IGSF21: variants seen among roughly 807,000 people sequenced by gnomAD.
IGSF21 encodes immunoglobin superfamily member 21.
IGSF21 carries 28 observed loss-of-function variants against 46.8 expected under a neutral mutation model. The observed-to-expected ratio is 0.60, with a 90% CI of 0.44 to 0.82. The LOEUF is 0.82. IGSF21 is among the 40% of genes least tolerant of loss of function. The pLI is 0.00. For synonymous variants in IGSF21, 284 were observed against 273.6 expected (o/e 1.04, Z -0.38); for missense variants, 624 against 665.5 (o/e 0.94, Z 0.69).
chr1:18,118,875 C>T (rs1189590618), intron 1 of IGSF21, among the ~76,000 whole-genome samples: 1 of 151,896 alleles, frequency 6.6e-6, no homozygotes, highest in Non-Finnish European at 1.5e-5. Flanking sequence ...TAGTCTCTTC[C>T]TCCCTCCCTC....
At chr1:18,301,099 T>C (rs2085356994) in intron 3 of IGSF21, among the ~76,000 whole-genome samples, 1 of 152,244 alleles carries the variant, frequency 6.6e-6, no homozygotes, top group Non-Finnish European at 1.5e-5. Context: ...TGGTTTAACC[T>C]GTGGAGCACA....
At chr1:18,203,703 C>G (rs562831733) in intron 1 of IGSF21, among the ~76,000 whole-genome samples, 43 of 152,268 alleles carry the variant, frequency 2.8e-4, no homozygotes, top group African/African-American at 9.4e-4. Context: ...GCAGCAGAGT[C>G]TGCTATGAAG....
At chr1:18,376,434 G>A in intron 7 of IGSF21, 39 bp downstream of exon 7, 1 of 1,468,324 alleles carries the variant, frequency 6.8e-7, no homozygotes, top group Non-Finnish European at 9.6e-7. Flanking sequence ...GTGGTGGGAG[G>A]TGGTAGAGGC....
chr1:18,259,170 G>T (rs997448589), intron 2 of IGSF21, among the ~76,000 whole-genome samples: 1 of 152,210 alleles, frequency 6.6e-6, no homozygotes, highest in Non-Finnish European at 1.5e-5. Flanking sequence ...ACATGACTGA[G>T]GCCAGTTTAT....
chr1:18,286,953 G>A (rs1569728849), intron 2 of IGSF21, among the ~76,000 whole-genome samples: 1 of 151,996 alleles, frequency 6.6e-6, no homozygotes. Flanking sequence ...AGGCCGAGGC[G>A]GGCGGATCAC....
intron 1 of IGSF21, among the ~76,000 whole-genome samples, chr1:18,117,034 C>G (rs1279797107): frequency 6.6e-6 from 1 of 152,156 alleles, no homozygotes; most frequent in Non-Finnish European, 1.5e-5. Context: ...GGATTTGAGC[C>G]CATGGGCTGA....
intron 2 of IGSF21, among the ~76,000 whole-genome samples, chr1:18,248,474 G>A (rs532822511): frequency 1.4e-4 from 21 of 152,224 alleles, no homozygotes; most frequent in African/African-American, 4.3e-4. Context: ...AGGGAGGCTC[G>A]CTGTTGTGGC....
At chr1:18,251,581 G>T (rs1003741) in intron 2 of IGSF21, among the ~76,000 whole-genome samples, 46,384 of 152,004 alleles carry the variant, frequency 0.31, 8,639 homozygotes, top group East Asian at 0.49. Flanking sequence ...CAGTCTGGAG[G>T]TGGCTTAAGT....
At chr1:18,207,494 ACT>A (rs2084341585) in intron 1 of IGSF21, among the ~76,000 whole-genome samples, 1 of 152,008 alleles carries the variant, frequency 6.6e-6, no homozygotes, top group African/African-American at 2.4e-5. Flanking sequence ...TATGTGGAAG[ACT>A]CTCTAATATG....
intron 2 of IGSF21, among the ~76,000 whole-genome samples, chr1:18,254,202 C>A (rs968624304): frequency 1.3e-5 from 2 of 151,592 alleles, no homozygotes; most frequent in Non-Finnish European, 2.9e-5. Context: ...CTGCTCTTAA[C>A]CCCAGGCTGA....
At chr1:18,148,003 GC>G (rs1237715012) in intron 1 of IGSF21, among the ~76,000 whole-genome samples, 1 of 152,024 alleles carries the variant, frequency 6.6e-6, no homozygotes, top group Non-Finnish European at 1.5e-5. Context: ...CTTGCCTGCC[GC>G]CATGTAAGAC....
At chr1:18,189,031 A>G (rs995869024) in intron 1 of IGSF21, among the ~76,000 whole-genome samples, 1 of 152,150 alleles carries the variant, frequency 6.6e-6, no homozygotes, top group African/African-American at 2.4e-5. Context: ...TGGGTGAGGA[A>G]CAGAACAGAT....
chr1:18,280,304 G>A (rs997415472), intron 2 of IGSF21, among the ~76,000 whole-genome samples: 1 of 152,070 alleles, frequency 6.6e-6, no homozygotes, highest in South Asian at 2.1e-4. Context: ...AAGAGGGGCT[G>A]GAAAAGTGGT....
chr1:18,163,178 G>A (rs561713164), intron 1 of IGSF21, among the ~76,000 whole-genome samples: 1 of 152,004 alleles, frequency 6.6e-6, no homozygotes, highest in Non-Finnish European at 1.5e-5. Flanking sequence ...CTGTGAGCCC[G>A]TTTCCTAAAC....
At position 18,365,693 on chromosome 1, in the gene IGSF21, G is replaced by A. The variant is rs146952781; in HGVS notation, c.1011G>A (p.Thr337=). ...ALSMPMQAEV[T]LVAPKGPKIV... ...CGATGCCCATGCAGGCAGAGGTCAC[G>A]CTGGGTAAGACTTGGTGGGGGCCCT... The change falls in exon 6 of 10, where the codon ACG becomes ACA. Residue 337 remains threonine (T), a synonymous_variant. Transcript: ENST00000251296. The surrounding 1 kb of genome is among the most constrained non-coding windows in gnomAD (Gnocchi z 4.8). 731 of 1,610,106 alleles carry A rather than the reference G, an allele frequency of 4.5e-4. 1 individual carries two copies. Among genetic ancestry groups the A allele is most frequent in the Non-Finnish European group, 5.8e-4 (685 of 1,177,488 alleles).
At chr1:18,159,913 C>T (rs1026037668) in intron 1 of IGSF21, among the ~76,000 whole-genome samples, 5 of 152,132 alleles carry the variant, frequency 3.3e-5, no homozygotes, top group African/African-American at 1.2e-4. Flanking sequence ...GAACTCCTGA[C>T]CTTGTGATCC....
Position 18,376,715 on chromosome 1 carries a change from C to T in IGSF21, c.1102-85C>T. 2.2e-6 allele frequency: 3 copies of T among 1,340,590 alleles called. No individual in the cohort carries two copies. In the South Asian group the frequency reaches 4.1e-5, roughly 18 times the overall value. The allele number at this position is 1,340,590 out of a possible 1,614,324, so 83.0% of individuals were successfully genotyped here. Reference sequence around the variant, plus strand: ...CCGTCGGATGAGAATGCTGTGCCACCCCTGGCCAGGCAGCCCCTGACCCCT... The same window carrying T: ...CCGTCGGATGAGAATGCTGTGCCACTCCTGGCCAGGCAGCCCCTGACCCCT... On this transcript the variant is annotated intron_variant, in intron 7 of 9. Transcript: ENST00000251296.
intron 7 of IGSF21, 63 bp from the exon 8 acceptor site, chr1:18,376,737 C>T: frequency 6.7e-7 from 1 of 1,490,476 alleles, no homozygotes; most frequent in African/African-American, 1.4e-5. Context: ...AGCCCCTGAC[C>T]CCTTGCTGAT....
intron 1 of IGSF21, among the ~76,000 whole-genome samples, chr1:18,226,624 A>G (rs1384280487): frequency 6.6e-6 from 1 of 152,076 alleles, no homozygotes; most frequent in Admixed American, 6.5e-5. Flanking sequence ...TCTGACTCCA[A>G]CTTCCAAATT....
Sources: gnomAD v4.1 joint callset for allele counts (sites outside exome capture counted in the v4.1 genomes callset) on GRCh38, gnomAD v4.1.1 for gene constraint, Gnocchi (gnomAD v3.1) non-coding constraint, MANE v1.5 for transcripts, NCBI Gene and HGNC (gene_info 2026-07-23, HGNC 2026-07-21) for gene names.